The following MIS18A variants were observed in gnomAD, a reference collection of about 807,000 sequenced individuals.
MIS18A encodes protein Mis18-alpha.
In MIS18A, 14 loss-of-function variants were observed where a neutral mutation model predicts 25.0. That is an observed-to-expected ratio of 0.56 (90% confidence interval 0.37 to 0.88). The LOEUF (loss-of-function observed/expected upper bound fraction) is 0.88. MIS18A is among the 40% of genes least tolerant of loss of function. The pLI, the probability that MIS18A is intolerant of heterozygous loss-of-function variation, is 0.00. For missense variants in MIS18A, 292 were observed against 290.8 expected (o/e 1.00, Z -0.03); for synonymous variants, 134 against 118.6 (o/e 1.13, Z -0.84).
At chr21:32,269,251 T>C in intron 4 of MIS18A, 134 bp from the exon 5 acceptor site, 1 of 646,782 alleles carries the variant, frequency 1.5e-6, no homozygotes. Context: ...TATTCAGTGT[T>C]TAACAAAACT....
At chr21:32,235,997 C>A in the MIS18A span, among the ~76,000 whole-genome samples, 1 of 152,104 alleles carries the variant, frequency 6.6e-6, no homozygotes, top group African/African-American at 2.4e-5. Flanking sequence ...AACTCTCACG[C>A]AGTTGGGCAT....
the MIS18A span, among the ~76,000 whole-genome samples, chr21:32,178,749 A>C: frequency 6.6e-6 from 1 of 152,150 alleles, no homozygotes; most frequent in Non-Finnish European, 1.5e-5. Flanking sequence ...CATATCTTTC[A>C]TCACTGAGGG....
chr21:32,267,853 T>C (rs2031633507), downstream of MIS18A, among the ~76,000 whole-genome samples: 1 of 152,076 alleles, frequency 6.6e-6, no homozygotes, highest in South Asian at 2.1e-4. Context: ...AGTGGGAGAG[T>C]AGCCTGCGAG....
chr21:32,238,167 T>C, the MIS18A span, among the ~76,000 whole-genome samples: 1 of 152,186 alleles, frequency 6.6e-6, no homozygotes, highest in Non-Finnish European at 1.5e-5. Context: ...ACCCAACCCC[T>C]GTGTCACATG....
chr21:32,160,290 AC>A, the MIS18A span, among the ~76,000 whole-genome samples: 1 of 28,322 alleles, frequency 3.5e-5, no homozygotes, highest in African/African-American at 4.8e-4. Context: ...TCTGCAACAC[AC>A]ACACACACAC....
the MIS18A span, among the ~76,000 whole-genome samples, chr21:32,189,724 G>C: frequency 6.6e-6 from 1 of 152,154 alleles, no homozygotes; most frequent in Middle Eastern, 3.4e-3. Context: ...TTAGGACTGA[G>C]CTCCAATACT....
the MIS18A span, among the ~76,000 whole-genome samples, chr21:32,162,426 C>G: frequency 6.6e-6 from 1 of 152,144 alleles, no homozygotes; most frequent in Non-Finnish European, 1.5e-5. Context: ...ATCTCTTGCC[C>G]CTCTGTGGGA....
At chr21:32,200,196 G>T in the MIS18A span, among the ~76,000 whole-genome samples, 5 of 152,200 alleles carry the variant, frequency 3.3e-5, no homozygotes, top group African/African-American at 1.2e-4. Context: ...ATGTAAACAA[G>T]TAGGCATGGC....
At chr21:32,158,618 GCA>G in the MIS18A span, among the ~76,000 whole-genome samples, 1 of 152,046 alleles carries the variant, frequency 6.6e-6, no homozygotes, top group African/African-American at 2.4e-5. Flanking sequence ...GGGATTACAG[GCA>G]TGCACCACCA....
chr21:32,265,163 G>A (rs144397676), downstream of MIS18A, among the ~76,000 whole-genome samples: 739 of 152,316 alleles, frequency 4.9e-3, 3 homozygotes, highest in Non-Finnish European at 8.7e-3. Flanking sequence ...AGGTGACAGC[G>A]TGCTGGCAGT....
chr21:32,219,204 C>T, the MIS18A span, among the ~76,000 whole-genome samples: 2 of 152,044 alleles, frequency 1.3e-5, no homozygotes, highest in African/African-American at 2.4e-5. Flanking sequence ...CGAATAGGAA[C>T]AGTTCCAGTC....
At chr21:32,252,008 C>A in the MIS18A span, among the ~76,000 whole-genome samples, 1 of 152,232 alleles carries the variant, frequency 6.6e-6, no homozygotes, top group South Asian at 2.1e-4. Flanking sequence ...CATAGCAAGA[C>A]CCTGTCTCTA....
chr21:32,207,761 C>T, the MIS18A span, among the ~76,000 whole-genome samples: 6 of 152,010 alleles, frequency 3.9e-5, no homozygotes, highest in Non-Finnish European at 8.8e-5. Flanking sequence ...CCAAGTTCAC[C>T]AAACATCTAT....
At chr21:32,203,858 A>C in the MIS18A span, among the ~76,000 whole-genome samples, 1 of 152,062 alleles carries the variant, frequency 6.6e-6, no homozygotes, top group African/African-American at 2.4e-5. Flanking sequence ...GGCTCAAGTA[A>C]TCTGCTGACC....
At chr21:32,264,234 A>T (rs1174452189), downstream of MIS18A, among the ~76,000 whole-genome samples, 1 of 152,172 alleles carries the variant, frequency 6.6e-6, no homozygotes, top group African/African-American at 2.4e-5. Context: ...CTAGAAGGAT[A>T]TACCTCAAAA....
chr21:32,200,187 T>G, the MIS18A span, among the ~76,000 whole-genome samples: 1 of 152,208 alleles, frequency 6.6e-6, no homozygotes, highest in Non-Finnish European at 1.5e-5. Context: ...ACAGACATAA[T>G]GTAAACAAGT....
chr21:32,196,245 G>A, the MIS18A span, among the ~76,000 whole-genome samples: 788 of 152,136 alleles, frequency 5.2e-3, 1 homozygote, highest in Non-Finnish European at 9.4e-3. Context: ...AAAAAAAGGC[G>A]GAATAAAGGA....
the MIS18A span, among the ~76,000 whole-genome samples, chr21:32,162,014 T>A: frequency 6.6e-6 from 1 of 152,192 alleles, no homozygotes; most frequent in East Asian, 1.9e-4. Context: ...TAATACAGTA[T>A]ATATTGTTTC....
intron 2 of MIS18A, among the ~76,000 whole-genome samples, chr21:32,270,948 G>A (rs778863113): frequency 3.9e-5 from 6 of 152,068 alleles, no homozygotes; most frequent in African/African-American, 1.4e-4. Flanking sequence ...CAATAAACTC[G>A]TATTCACAAA....
Sources: allele counts gnomAD v4.1 joint callset (sites outside exome capture counted in the v4.1 genomes callset), GRCh38; gene constraint gnomAD v4.1.1; transcripts MANE v1.5; gene names NCBI Gene and HGNC (gene_info 2026-07-23, HGNC 2026-07-21).